PTPRT: variants seen among roughly 807,000 people sequenced by gnomAD.
The protein encoded by PTPRT is receptor-type tyrosine-protein phosphatase T.
PTPRT carries 56 observed loss-of-function variants against 176.8 expected under a neutral mutation model. That is an observed-to-expected ratio of 0.32 (90% CI 0.26 to 0.40). The LOEUF (loss-of-function observed/expected upper bound fraction) is 0.40. Among genes scored for constraint, PTPRT ranks in the 10% least tolerant of loss-of-function variants. The pLI is 1.00. For missense variants in PTPRT, 1,540 were observed against 1,908.2 expected (o/e 0.81, Z 3.60); for synonymous variants, 783 against 739.0 (o/e 1.06, Z -0.96).
At chr20:42,677,100 T>C (rs1382977015) in intron 7 of PTPRT, among the ~76,000 whole-genome samples, 4 of 152,066 alleles carry the variant, frequency 2.6e-5, no homozygotes, top group Non-Finnish European at 5.9e-5. Context: ...CTCCAGGGGA[T>C]ACAGAGGCAG....
At chr20:43,086,804 GA>G (rs1189586900) in intron 1 of PTPRT, among the ~76,000 whole-genome samples, 1 of 152,142 alleles carries the variant, frequency 6.6e-6, no homozygotes, top group Non-Finnish European at 1.5e-5. Context: ...CGGGGGCTGG[GA>G]GGGAAGAATT....
intron 1 of PTPRT, among the ~76,000 whole-genome samples, chr20:43,013,403 T>C (rs1985224423): frequency 6.6e-6 from 1 of 152,154 alleles, no homozygotes; most frequent in Admixed American, 6.5e-5. Context: ...ATATAAAATC[T>C]GCCACCTCTT....
chr20:42,202,212 C>T (rs1021918281), intron 15 of PTPRT, among the ~76,000 whole-genome samples: 3 of 152,094 alleles, frequency 2.0e-5, no homozygotes, highest in African/African-American at 7.2e-5. Flanking sequence ...TCAGGCAATC[C>T]GCCTGCATTG....
chr20:42,198,704 G>C (rs1991328613), intron 16 of PTPRT, among the ~76,000 whole-genome samples: 1 of 152,162 alleles, frequency 6.6e-6, no homozygotes, highest in Non-Finnish European at 1.5e-5. Flanking sequence ...ACTGGCTGTG[G>C]TGGAACTGGC....
At chr20:42,232,813 C>CAAAAAAA (rs5841454) in intron 15 of PTPRT, among the ~76,000 whole-genome samples, 1 of 63,238 alleles carries the variant, frequency 1.6e-5, no homozygotes, top group Admixed American at 2.1e-4. Context: ...CTCTGTTTTA[C>CAAAAAAA]AAAAAAAAAA....
intron 9 of PTPRT, among the ~76,000 whole-genome samples, chr20:42,444,767 C>T (rs2059348416): frequency 6.6e-6 from 1 of 152,078 alleles, no homozygotes; most frequent in Admixed American, 6.6e-5. Flanking sequence ...ATGAATTTCT[C>T]TCTTGAAATT....
intron 1 of PTPRT, among the ~76,000 whole-genome samples, chr20:43,177,556 A>C (rs2015150803): frequency 6.6e-6 from 1 of 152,264 alleles, no homozygotes; most frequent in South Asian, 2.1e-4. Flanking sequence ...TTCCAGGGAC[A>C]AATGATAACT....
At chr20:42,804,341 C>T (rs947509054) in intron 2 of PTPRT, among the ~76,000 whole-genome samples, 2 of 152,164 alleles carry the variant, frequency 1.3e-5, no homozygotes, top group Non-Finnish European at 2.9e-5. Flanking sequence ...CCCTTGACCA[C>T]AATGCAGACC....
chr20:42,162,267 T>C (rs1989635551), intron 16 of PTPRT, among the ~76,000 whole-genome samples: 1 of 152,202 alleles, frequency 6.6e-6, no homozygotes, highest in Admixed American at 6.5e-5. Context: ...CCTTCAGTGC[T>C]GCTAGCTACT....
chr20:42,720,088 C>G (rs2076282919), intron 6 of PTPRT, among the ~76,000 whole-genome samples: 1 of 152,194 alleles, frequency 6.6e-6, no homozygotes, highest in South Asian at 2.1e-4. Flanking sequence ...ACCTTTGACA[C>G]ATACTAAATG....
intron 7 of PTPRT, among the ~76,000 whole-genome samples, chr20:42,648,920 G>T (rs1171921599): frequency 6.7e-6 from 1 of 148,178 alleles, no homozygotes; most frequent in Non-Finnish European, 1.5e-5. Context: ...CCGGGTTCAT[G>T]CCATTCTCCT....
intron 9 of PTPRT, among the ~76,000 whole-genome samples, chr20:42,433,877 C>T (rs2059237624): frequency 6.6e-6 from 1 of 152,120 alleles, no homozygotes; most frequent in South Asian, 2.1e-4. Context: ...CTCTCCTAAC[C>T]AGCTGCTTAA....
intron 9 of PTPRT, among the ~76,000 whole-genome samples, chr20:42,356,714 C>A (rs146790666): frequency 1.1e-4 from 16 of 152,220 alleles, no homozygotes; most frequent in African/African-American, 3.9e-4. Context: ...ACAACAATGA[C>A]AAAATCCAAT....
At chr20:42,573,571 A>G (rs983536393) in intron 7 of PTPRT, among the ~76,000 whole-genome samples, 2 of 151,836 alleles carry the variant, frequency 1.3e-5, no homozygotes, top group Non-Finnish European at 2.9e-5. Context: ...CTGGGTGACT[A>G]CCCCATGATC....
At chr20:42,334,334 C>T (rs753277065) in intron 11 of PTPRT, among the ~76,000 whole-genome samples, 87 of 152,216 alleles carry the variant, frequency 5.7e-4, no homozygotes, top group Admixed American at 2.9e-3. Flanking sequence ...CTGACATTGC[C>T]AGATATCTCT....
downstream of PTPRT, among the ~76,000 whole-genome samples, chr20:42,068,978 TCTCTTTCTGG>T (rs575088192): frequency 1.5e-3 from 229 of 152,286 alleles, no homozygotes; most frequent in African/African-American, 5.3e-3. Flanking sequence ...AGATACTAAT[TCTCTTTCTGG>T]CTCAGCTGGC....
intron 9 of PTPRT, among the ~76,000 whole-genome samples, chr20:42,390,708 T>C (rs1241090816): frequency 6.6e-6 from 1 of 152,190 alleles, no homozygotes; most frequent in Admixed American, 6.5e-5. Flanking sequence ...CAGATGACTG[T>C]AGCCCCAGCT....
intron 9 of PTPRT, among the ~76,000 whole-genome samples, chr20:42,396,881 G>A (rs1600952893): frequency 6.6e-6 from 1 of 152,252 alleles, no homozygotes; most frequent in South Asian, 2.1e-4. Context: ...TGTTCTCACT[G>A]CCTGGAACAG....
intron 11 of PTPRT, among the ~76,000 whole-genome samples, chr20:42,320,618 G>T (rs1179937712): frequency 6.6e-6 from 1 of 152,162 alleles, no homozygotes. Flanking sequence ...TGCAAATGAT[G>T]TATTGAGGAA....
Sources: gnomAD v4.1 joint callset for allele counts (sites outside exome capture counted in the v4.1 genomes callset) on GRCh38, gnomAD v4.1.1 for gene constraint, MANE v1.5 for transcripts, NCBI Gene and HGNC (gene_info 2026-07-23, HGNC 2026-07-21) for gene names.